The following MAGI1 variants were observed in gnomAD, a reference collection of about 807,000 sequenced individuals.
The protein encoded by MAGI1 is membrane associated guanylate kinase, WW and PDZ domain containing 1.
MAGI1 carries 58 observed loss-of-function variants against 139.9 expected under a neutral mutation model. The observed-to-expected ratio is 0.41, with a 90% CI of 0.34 to 0.52. MAGI1 has a LOEUF of 0.52. Among genes scored for constraint, MAGI1 ranks in the 20% least tolerant of loss-of-function variants. MAGI1 has a pLI of 0.12. For missense variants in MAGI1, 1,874 were observed against 1,901.6 expected, an observed-to-expected ratio of 0.99 and a Z score of 0.27; for synonymous variants, 812 against 737.9, an observed-to-expected ratio of 1.10 and a Z score of -1.63.
At chr3:65,946,586 A>T (rs1396730902) in intron 1 of MAGI1, among the ~76,000 whole-genome samples, 1 of 152,014 alleles carries the variant, frequency 6.6e-6, no homozygotes, top group Non-Finnish European at 1.5e-5. Flanking sequence ...TGTCTTGGCA[A>T]TGGCATTCAG....
At chr3:65,539,366 TCAAA>T (rs1457049518) in intron 2 of MAGI1, among the ~76,000 whole-genome samples, 2 of 151,650 alleles carry the variant, frequency 1.3e-5, no homozygotes, top group Admixed American at 6.6e-5. Context: ...CCAACTACTG[TCAAA>T]CAGACACATA....
At chr3:65,436,918 T>G (rs1309587433) in intron 10 of MAGI1, among the ~76,000 whole-genome samples, 1 of 152,174 alleles carries the variant, frequency 6.6e-6, no homozygotes, top group Non-Finnish European at 1.5e-5. Context: ...GAATGATCAT[T>G]TAACAAGTAG....
chr3:65,460,617 T>C (rs1949715353), intron 5 of MAGI1, among the ~76,000 whole-genome samples: 1 of 152,182 alleles, frequency 6.6e-6, no homozygotes, highest in South Asian at 2.1e-4. Context: ...TACACAGGTA[T>C]ACATGTGCCA....
At chr3:65,826,477 C>A (rs1308404998) in intron 1 of MAGI1, among the ~76,000 whole-genome samples, 1 of 152,184 alleles carries the variant, frequency 6.6e-6, no homozygotes, top group African/African-American at 2.4e-5. Flanking sequence ...TTTCATCTGC[C>A]TCTGGGCTAA....
At chr3:65,898,973 G>A (rs1210601088) in intron 1 of MAGI1, among the ~76,000 whole-genome samples, 1 of 152,154 alleles carries the variant, frequency 6.6e-6, no homozygotes, top group Admixed American at 6.5e-5. Flanking sequence ...CCAGGCTGAA[G>A]TGCAGTGGCA....
At chr3:65,422,600 T>C (rs1394833352) in intron 12 of MAGI1, among the ~76,000 whole-genome samples, 3 of 152,192 alleles carry the variant, frequency 2.0e-5, no homozygotes, top group East Asian at 1.9e-4. Flanking sequence ...CTAGGCACCA[T>C]TTTAGGCAGC....
chr3:65,705,290 G>A (rs940460068), intron 1 of MAGI1, among the ~76,000 whole-genome samples: 1 of 145,844 alleles, frequency 6.9e-6, no homozygotes, highest in Non-Finnish European at 1.5e-5. Flanking sequence ...TTCACAAAGT[G>A]GTTAACATTC....
intron 1 of MAGI1, among the ~76,000 whole-genome samples, chr3:65,856,995 T>C (rs372459064): frequency 1.3e-5 from 2 of 152,152 alleles, no homozygotes; most frequent in East Asian, 1.9e-4. Context: ...TGAAAACCAA[T>C]ACACCCTGAC....
At chr3:65,761,212 T>C (rs1009046639) in intron 1 of MAGI1, among the ~76,000 whole-genome samples, 1 of 152,064 alleles carries the variant, frequency 6.6e-6, no homozygotes, top group Non-Finnish European at 1.5e-5. Context: ...AGATGGTATG[T>C]TTTAGGGAAA....
intron 9 of MAGI1, among the ~76,000 whole-genome samples, chr3:65,438,443 T>C (rs1000306300): frequency 6.6e-6 from 1 of 152,172 alleles, no homozygotes; most frequent in Non-Finnish European, 1.5e-5. Context: ...TGGGTAATGG[T>C]TACACTAAAA....
At chr3:65,635,834 A>G (rs1161735747) in intron 1 of MAGI1, among the ~76,000 whole-genome samples, 1 of 152,238 alleles carries the variant, frequency 6.6e-6, no homozygotes, top group Non-Finnish European at 1.5e-5. Context: ...GACGTCATTC[A>G]TGCAACAGTT....
At chr3:65,950,069 A>C (rs1560045534) in intron 1 of MAGI1, among the ~76,000 whole-genome samples, 3 of 7,604 alleles carry the variant, frequency 3.9e-4, no homozygotes, top group Non-Finnish European at 1.9e-3. Flanking sequence ...CAAAAAAACA[A>C]AAAAAAAACA....
chr3:65,756,550 C>G (rs1441434181), intron 1 of MAGI1, among the ~76,000 whole-genome samples: 1 of 152,154 alleles, frequency 6.6e-6, no homozygotes, highest in Non-Finnish European at 1.5e-5. Flanking sequence ...ATCCCAGCGT[C>G]TGGCTCCTGG....
chr3:65,527,524 G>C (rs1410162247), intron 2 of MAGI1, among the ~76,000 whole-genome samples: 6 of 152,116 alleles, frequency 3.9e-5, no homozygotes, highest in Admixed American at 6.5e-5. Context: ...AGGAGATCGA[G>C]ACCATCCTGG....
chr3:66,028,714 G>C (rs73833353), intron 1 of MAGI1, among the ~76,000 whole-genome samples: 8,233 of 152,204 alleles, frequency 0.054, 270 homozygotes, highest in South Asian at 0.065. Context: ...TCCTCACCGA[G>C]GACAATGTGG....
intron 1 of MAGI1, among the ~76,000 whole-genome samples, chr3:65,637,179 G>C (rs1433315238): frequency 6.6e-6 from 1 of 152,154 alleles, no homozygotes. Context: ...ATTGGGAACA[G>C]TTATACTTAA....
Position 65,621,981 on chromosome 3 carries a change from C to A in MAGI1, c.421G>T (p.Ala141Ser). ...AAGTCCAACTACTTACAAGGCACAG[C>A]ATGGCGGTAAAGGTTATCCCTTATG... is the stretch of plus-strand genomic sequence containing the variant. ...QTIRDNLYRH[A>S]VPCTTRSPRE... is the part of the protein sequence containing the mutation. The change falls in exon 2 of 23, where the codon GCT becomes TCT. Residue 141 changes from alanine to serine, a missense_variant. Ala to Ser is a moderately conservative substitution (Grantham distance 99). Around this residue, in one of 5 missense-constraint regions of MAGI1, gnomAD observed 648 missense variants for 598.1 expected, o/e 1.08. Transcript: ENST00000402939. The A allele has an allele frequency of 6.2e-7, 1 of 1,610,354 alleles. No individual in the cohort carries two copies. Among genetic ancestry groups the A allele is most frequent in the Non-Finnish European group, 8.5e-7 (1 of 1,177,058 alleles).
At chr3:65,716,807 A>G (rs1316213047) in intron 1 of MAGI1, among the ~76,000 whole-genome samples, 1 of 152,232 alleles carries the variant, frequency 6.6e-6, no homozygotes, top group Non-Finnish European at 1.5e-5. Context: ...AAATCAGCCT[A>G]TGAACTGCAG....
At chr3:65,724,400 C>A (rs1021786225) in intron 1 of MAGI1, among the ~76,000 whole-genome samples, 1 of 152,158 alleles carries the variant, frequency 6.6e-6, no homozygotes, top group African/African-American at 2.4e-5. Context: ...CTGAGCATAG[C>A]CATAACTTCA....
Sources: allele counts gnomAD v4.1 joint callset (sites outside exome capture counted in the v4.1 genomes callset), GRCh38; gene constraint gnomAD v4.1.1; regional missense constraint gnomAD v4.1.1; transcripts MANE v1.5; gene names NCBI Gene and HGNC (gene_info 2026-07-23, HGNC 2026-07-21).